The following BCAS1 variants were observed in gnomAD, a reference collection of about 807,000 sequenced individuals.
BCAS1 encodes the protein brain enriched myelin associated protein 1, also known as breast carcinoma-amplified sequence 1.
A neutral mutation model predicts 65.4 loss-of-function variants in BCAS1; 46 were observed. That is an observed-to-expected ratio of 0.70 (90% CI 0.55 to 0.90). BCAS1 has a LOEUF of 0.90. Among genes scored for constraint, BCAS1 ranks in the 40% least tolerant of loss-of-function variants. The pLI is 0.00. For synonymous variants in BCAS1, 298 were observed against 293.5 expected (o/e 1.02, Z -0.16); for missense variants, 793 against 771.2 (o/e 1.03, Z -0.33).
At chr20:53,954,687 C>T (rs763151167) in intron 11 of BCAS1, among the ~76,000 whole-genome samples, 9 of 152,152 alleles carry the variant, frequency 5.9e-5, no homozygotes, top group South Asian at 2.1e-4. Context: ...TAAGAATAAC[C>T]ATGTGGATAT....
intron 4 of BCAS1, among the ~76,000 whole-genome samples, chr20:54,013,213 A>C (rs1233613971): frequency 1.3e-5 from 2 of 152,244 alleles, no homozygotes; most frequent in Admixed American, 1.3e-4. Context: ...ACTTTTAAAT[A>C]AAAGATGTAG....
chr20:53,976,636 A>C (rs2090342321), intron 8 of BCAS1, among the ~76,000 whole-genome samples: 1 of 152,212 alleles, frequency 6.6e-6, no homozygotes, highest in Admixed American at 6.5e-5. Flanking sequence ...AAGTGGTGGA[A>C]ATGGTTTTAA....
At chr20:54,026,382 C>G (rs1235885399) in intron 4 of BCAS1, among the ~76,000 whole-genome samples, 1 of 152,150 alleles carries the variant, frequency 6.6e-6, no homozygotes, top group Non-Finnish European at 1.5e-5. Flanking sequence ...AAAACTTTTC[C>G]TCACTTTTCT....
intron 4 of BCAS1, among the ~76,000 whole-genome samples, chr20:54,025,841 A>C (rs1272996575): frequency 1.3e-5 from 2 of 152,086 alleles, no homozygotes; most frequent in Non-Finnish European, 1.5e-5. Context: ...TTTATAGAAC[A>C]ATTGCTTTTT....
chr20:54,028,819 A>C lies in BCAS1; in HGVS notation c.296T>G (p.Leu99Arg). ...GGTACGTCCTGGTACAGGCCGAGAG[A>C]GCATCAAGAAAAAACGAGATTTAGC... is the stretch of plus-strand genomic sequence containing the variant. ...PAAKSRFFLM[L>R]SRPVPGRTGD... is the part of the protein sequence containing the mutation. Residue 99 changes from leucine (L) to arginine (R), a missense_variant, in exon 4 of 13, where the codon CTC (leucine) becomes CGC (arginine). Leu to Arg is a moderately radical substitution (Grantham distance 102). Coordinates refer to ENST00000688948, the MANE Select transcript of BCAS1 (RefSeq NM_001366298.2). 1 of 1,613,952 alleles carries C rather than the reference A, an allele frequency of 6.2e-7. No individual in the cohort carries two copies. Among genetic ancestry groups the C allele is most frequent in the Non-Finnish European group, 8.5e-7 (1 of 1,180,012 alleles).
intron 1 of BCAS1, among the ~76,000 whole-genome samples, chr20:54,060,339 GTC>G (rs1476844534): frequency 6.6e-6 from 1 of 152,168 alleles, no homozygotes. Flanking sequence ...TTGAGACGGA[GTC>G]TCTCTCTGTT....
chr20:53,989,005 C>A (rs1308293896), intron 7 of BCAS1, among the ~76,000 whole-genome samples: 1 of 152,106 alleles, frequency 6.6e-6, no homozygotes, highest in Non-Finnish European at 1.5e-5. Context: ...GGGCAATATA[C>A]AACAAAAAAT....
Position 54,066,991 on chromosome 20 carries a change from A to G in BCAS1, c.-6+3442T>C, listed in dbSNP as rs74986715. On this transcript the variant is annotated intron_variant, in intron 1 of 12. Transcript: ENST00000688948. ...TTATGAAATATTTATATGTAATATA[A>G]TAGAACATGGAATAGAAAATATTTC... Among the ~76,000 whole-genome samples the G allele has an allele frequency of 1.1e-3, 174 of 152,384 alleles. 3 individuals carry two copies. In the East Asian group the frequency reaches 0.03, roughly 26 times the overall value.
intron 4 of BCAS1, among the ~76,000 whole-genome samples, chr20:54,021,618 A>C (rs1259265419): frequency 6.6e-6 from 1 of 151,840 alleles, no homozygotes; most frequent in Admixed American, 6.6e-5. Flanking sequence ...TCTTTGGCAA[A>C]CTAACGCAGG....
chr20:53,995,016 T>A lies in BCAS1; in HGVS notation c.923A>T (p.Asp308Val). 1 of 1,613,454 alleles carries A rather than the reference T, an allele frequency of 6.2e-7. No homozygotes were observed. Among genetic ancestry groups the A allele is most frequent in the East Asian group, 2.2e-5 (1 of 44,846 alleles). The change falls in exon 6 of 13, where the codon GAC (aspartate) becomes GTC (valine). Residue 308 changes from aspartate (D) to valine (V), a missense_variant. Coordinates refer to ENST00000688948, the MANE Select transcript of BCAS1 (RefSeq NM_001366298.2). ...NKAETKKDPE[D>V]TASKAESVCD... ...TACACACTTCCAACTACCTACCGTGTCTTCTGGGTCCTTTTTTGTTTCAGC... is the reference window on the plus strand; with the variant it reads ...TACACACTTCCAACTACCTACCGTGACTTCTGGGTCCTTTTTTGTTTCAGC...
Position 54,058,174 on chromosome 20 carries a change from A to AT in BCAS1, c.73-21dup, listed in dbSNP as rs779851967. 3 of 1,610,916 alleles carry AT rather than the reference A, an allele frequency of 1.9e-6. No homozygotes were observed. Among genetic ancestry groups the AT allele is most frequent in the Non-Finnish European group, 2.5e-6 (3 of 1,177,210 alleles). On this transcript the variant is annotated intron_variant, in intron 2 of 12. Transcript: ENST00000688948. ...GTTGTCCTGAAACAGAGCACGTGGC[A>AT]TTGTGAGACAAATCTTCGGGGGAAA...
chr20:54,019,460 C>G (rs186245109), intron 4 of BCAS1, among the ~76,000 whole-genome samples: 2 of 152,214 alleles, frequency 1.3e-5, no homozygotes, highest in African/African-American at 4.8e-5. Context: ...ATTGGACTAA[C>G]GTTCCACAGA....
At chr20:54,051,236 C>T (rs2092207087) in intron 3 of BCAS1, among the ~76,000 whole-genome samples, 1 of 152,168 alleles carries the variant, frequency 6.6e-6, no homozygotes, top group Non-Finnish European at 1.5e-5. Context: ...TTTCTAACTG[C>T]CTGATCTCTG....
intron 3 of BCAS1, among the ~76,000 whole-genome samples, chr20:54,030,842 T>C (rs1343751504): frequency 1.3e-5 from 2 of 151,204 alleles, no homozygotes; most frequent in East Asian, 3.8e-4. Context: ...TTCTTAACCT[T>C]TTTTTCTGTG....
intron 9 of BCAS1, 69 bp from the exon 10 acceptor site, chr20:53,967,142 T>C: frequency 1.3e-6 from 2 of 1,558,516 alleles, no homozygotes; most frequent in Non-Finnish European, 1.7e-6. Context: ...TTTTACAAAG[T>C]GGGGTCCTTG....
intron 10 of BCAS1, among the ~76,000 whole-genome samples, chr20:53,964,341 T>C (rs1045698734): frequency 1.3e-5 from 2 of 152,196 alleles, no homozygotes; most frequent in Non-Finnish European, 2.9e-5. Flanking sequence ...AACTCTTCAT[T>C]TGTTTATTTG....
At chr20:53,993,319 G>C (rs1165078831) in intron 6 of BCAS1, among the ~76,000 whole-genome samples, 3 of 152,136 alleles carry the variant, frequency 2.0e-5, no homozygotes, top group African/African-American at 7.2e-5. Context: ...TGTAGGGAAG[G>C]TAGTGGGCTG....
At position 53,943,877 on chromosome 20, in the gene BCAS1, AGGGATACAGTATTACAGGAT is replaced by A. The variant is rs2089220080; in HGVS notation, c.*1025_*1044del. On this transcript the variant is annotated 3_prime_UTR_variant, in exon 13 of 13. Transcript: ENST00000688948. ...AGATAGCAGAGACCAAATCTTTGTT[AGGGATACAGTATTACAGGAT>A]AAAAATGGGGACCTTGCCGCCCCCT... 6.6e-6 allele frequency: 1 copy of A among 152,206 alleles called. No homozygotes were observed. The highest frequency in any genetic ancestry group is 1.5e-5 in the Non-Finnish European group (1 of 68,022). The allele number at this position is 152,206 out of a possible 1,614,324, so 9.4% of individuals were successfully genotyped here. A position where few individuals can be genotyped will look rare whatever the true frequency, so the allele number is the denominator to read the frequency against.
chr20:53,957,609 A>G, intron 10 of BCAS1, 112 bp from the exon 11 acceptor site: 1 of 986,908 alleles, frequency 1.0e-6, no homozygotes, highest in Non-Finnish European at 1.6e-6. Flanking sequence ...TTTGGGGTCA[A>G]GACAAATGGA....
Sources: gnomAD v4.1 joint callset for allele counts (sites outside exome capture counted in the v4.1 genomes callset) on GRCh38, gnomAD v4.1.1 for gene constraint, MANE v1.5 for transcripts, NCBI Gene and HGNC (gene_info 2026-07-23, HGNC 2026-07-21) for gene names.